The following ZNF81 variants were observed in gnomAD, a reference collection of about 807,000 sequenced individuals.
ZNF81 encodes zinc finger protein 81 (HFZ20).
Under a neutral mutation model 32.3 loss-of-function variants are expected in ZNF81, and 5 were observed. The observed-to-expected ratio is 0.15, with a 90% CI of 0.08 to 0.33. The LOEUF (loss-of-function observed/expected upper bound fraction) is 0.33. Among genes scored for constraint, ZNF81 ranks in the 10% least tolerant of loss-of-function variants. The pLI, the probability that ZNF81 is intolerant of heterozygous loss-of-function variation, is 1.00. For missense variants in ZNF81, 379 were observed against 479.8 expected (o/e 0.79, Z 1.96); for synonymous variants, 163 against 166.8 (o/e 0.98, Z 0.17).
At chrX:47,849,041 T>G (rs2095503839) in intron 2 of ZNF81, among the ~76,000 whole-genome samples, 1 of 112,066 alleles carries the variant, frequency 8.9e-6, no homozygotes, top group Admixed American at 9.5e-5. Context: ...AAAGAAATTT[T>G]TATCAATTTT....
chrX:47,907,476 G>T (rs972034265), intron 4 of ZNF81, among the ~76,000 whole-genome samples: 11 of 110,312 alleles, frequency 1.0e-4, no homozygotes, highest in African/African-American at 2.6e-4. Context: ...TGTTTCTAAA[G>T]TAAGTGTGTA....
At chrX:47,840,481 T>A (rs2058443264) in intron 1 of ZNF81, among the ~76,000 whole-genome samples, 1 of 109,675 alleles carries the variant, frequency 9.1e-6, no homozygotes, top group African/African-American at 3.3e-5. Context: ...TGTCTTTTCT[T>A]TTCTTTCTTT....
intron 2 of ZNF81, among the ~76,000 whole-genome samples, chrX:47,847,129 A>G (rs2058473836): frequency 8.9e-6 from 1 of 112,437 alleles, no homozygotes. Context: ...AATTAAAAGC[A>G]GTCATACAAC....
intron 2 of ZNF81, among the ~76,000 whole-genome samples, chrX:47,884,815 T>C (rs971699219): frequency 8.1e-5 from 9 of 111,798 alleles, no homozygotes; most frequent in African/African-American, 2.9e-4. Context: ...TAGAGCAAAC[T>C]ATATTAGCAG....
At chrX:47,849,539 G>A (rs1246726526) in intron 2 of ZNF81, among the ~76,000 whole-genome samples, 1 of 110,943 alleles carries the variant, frequency 9.0e-6, no homozygotes, top group African/African-American at 3.3e-5. Flanking sequence ...AGGCATGGTG[G>A]TAGGTGCCTG....
chrX:47,915,162 T>G lies in ZNF81; in HGVS notation c.516T>G (p.Phe172Leu), dbSNP rs781803635. 4 of 1,200,202 alleles carry G rather than the reference T, an allele frequency of 3.3e-6. No homozygotes were observed. The South Asian group carries it at 7.3e-5, about 22-fold the overall frequency. Residue 172 changes from phenylalanine to leucine, a missense_variant, in exon 5 of 5, where the codon TTT becomes TTG. Around this residue, in one of 2 missense-constraint regions of ZNF81, gnomAD observed 277 missense variants for 306.6 expected, o/e 0.90. Transcript: ENST00000338637. ...AGTGGGATTATGAATATAAAGACTT[T>G]GGAAAATTTGTTCATCCAAGCCCAA... The part of the protein sequence containing the change: ...NTEWDYEYKD[F>L]GKFVHPSPNL...
chrX:47,896,028 G>A (rs1439647382), intron 4 of ZNF81, 88 bp downstream of exon 4: 2 of 707,159 alleles, frequency 2.8e-6, no homozygotes, highest in East Asian at 3.4e-5. Context: ...TGCTGTTATT[G>A]CTTAAAGGTT....
chrX:47,899,471 G>A (rs2058691043), intron 4 of ZNF81, among the ~76,000 whole-genome samples: 1 of 110,368 alleles, frequency 9.1e-6, no homozygotes, highest in Middle Eastern at 4.2e-3. Context: ...TGACGTATTA[G>A]CTTTATTATA....
At chrX:47,900,028 A>G (rs916015885) in intron 4 of ZNF81, among the ~76,000 whole-genome samples, 12 of 111,375 alleles carry the variant, frequency 1.1e-4, no homozygotes, top group African/African-American at 3.9e-4. Context: ...AAATCTTCTA[A>G]TGCCTTACTA....
chrX:47,864,840 G>C (rs1303839040), intron 2 of ZNF81, among the ~76,000 whole-genome samples: 1 of 112,592 alleles, frequency 8.9e-6, no homozygotes, highest in Non-Finnish European at 1.9e-5. Flanking sequence ...AGAGCTGACT[G>C]ATCTCAGTCT....
chrX:47,844,687 T>C (rs1325870732), intron 1 of ZNF81, among the ~76,000 whole-genome samples: 1 of 112,235 alleles, frequency 8.9e-6, no homozygotes. Flanking sequence ...TTCTCTTGCA[T>C]AGATATCTAT....
At chrX:47,868,254 T>A (rs1317551606) in intron 2 of ZNF81, among the ~76,000 whole-genome samples, 1 of 112,055 alleles carries the variant, frequency 8.9e-6, no homozygotes, top group Non-Finnish European at 1.9e-5. Flanking sequence ...GCATCCTAAA[T>A]TAATCCAATG....
chrX:47,915,081 A>G lies in ZNF81; in HGVS notation c.435A>G (p.Lys145=). ...DAEQIKRCQE[K]HNKLLSRTTF... Reference sequence around the variant, plus strand: ...AACAGATAAAGAGATGTCAGGAAAAACACAACAAACTTCTGAGTCGCACTA... The same window carrying G: ...AACAGATAAAGAGATGTCAGGAAAAGCACAACAAACTTCTGAGTCGCACTA... The change falls in exon 5 of 5, where the codon AAA becomes AAG. Residue 145 remains lysine, a synonymous_variant. Transcript: ENST00000338637. 1.7e-6 allele frequency: 2 copies of G among 1,209,468 alleles called. No homozygotes were observed. The highest frequency in any genetic ancestry group is 2.2e-6 in the Non-Finnish European group (2 of 894,761).
At chrX:47,861,848 C>T (rs1403188808) in intron 2 of ZNF81, among the ~76,000 whole-genome samples, 2 of 112,244 alleles carry the variant, frequency 1.8e-5, no homozygotes, top group African/African-American at 6.5e-5. Flanking sequence ...ATCTTGACCC[C>T]AAAGGGCAAT....
At chrX:47,883,251 G>A (rs2058628125) in intron 2 of ZNF81, among the ~76,000 whole-genome samples, 1 of 111,342 alleles carries the variant, frequency 9.0e-6, no homozygotes, top group Admixed American at 9.5e-5. Context: ...AAATTGGGCT[G>A]TGTGTCTTTT....
chrX:47,895,990 T>C (rs782649075), intron 4 of ZNF81, 50 bp downstream of exon 4: 4 of 950,889 alleles, frequency 4.2e-6, no homozygotes, highest in Admixed American at 2.4e-5. Flanking sequence ...ATTTTTTTTT[T>C]CCCTAAGGAA....
chrX:47,905,409 T>TAAAAAA (rs782351301), intron 4 of ZNF81, among the ~76,000 whole-genome samples: 1 of 29,458 alleles, frequency 3.4e-5, no homozygotes, highest in Non-Finnish European at 6.1e-5. Context: ...AGACTCCATC[T>TAAAAAA]AAAAAAAAAA....
rs2058737813 is a variant in ZNF81, at chrX:47,911,076, A to C, written c.278-3848A>C. On this transcript the variant is annotated intron_variant, in intron 4 of 4. Transcript: ENST00000338637. ...ACTGATAGATTTCATTACCTAAGAC[A>C]TTGCATTTATCTTTGCCATTAGCTT... Among the ~76,000 whole-genome samples, 3 of 111,076 alleles carry C rather than the reference A, an allele frequency of 2.7e-5. No individual in the cohort carries two copies. In the South Asian group the frequency reaches 1.1e-3, roughly 42 times the overall value.
intron 4 of ZNF81, among the ~76,000 whole-genome samples, chrX:47,897,471 A>G (rs781982623): frequency 8.9e-6 from 1 of 112,100 alleles, no homozygotes; most frequent in African/African-American, 3.2e-5. Context: ...TGCCAGATAT[A>G]TGTATTGCTA....
Sources: gnomAD v4.1 joint callset for allele counts (sites outside exome capture counted in the v4.1 genomes callset) on GRCh38, gnomAD v4.1.1 for gene constraint, gnomAD v4.1.1 regional missense constraint, MANE v1.5 for transcripts, NCBI Gene and HGNC (gene_info 2026-07-23, HGNC 2026-07-21) for gene names.